PSPC1: variants seen among roughly 807,000 people sequenced by gnomAD.
PSPC1 encodes paraspeckle component 1.
In PSPC1, 14 loss-of-function variants were observed where a neutral mutation model predicts 51.6. The ratio of observed to expected loss-of-function variants is 0.27; its 90% CI spans 0.18 to 0.42. The LOEUF (loss-of-function observed/expected upper bound fraction) is 0.42, where lower values mean the gene tolerates loss of function less well. Ranked by LOEUF, PSPC1 falls within the 10% of genes least tolerant of loss-of-function variation. The pLI is 1.00. For missense variants in PSPC1, 406 were observed against 701.1 expected (o/e 0.58, Z 4.75); for synonymous variants, 193 against 231.9 (o/e 0.83, Z 1.53).
At chr13:19,774,951 G>A (rs891161471) in intron 1 of PSPC1, among the ~76,000 whole-genome samples, 2 of 152,004 alleles carry the variant, frequency 1.3e-5, no homozygotes, top group Non-Finnish European at 1.5e-5. Context: ...AAAACAGGAA[G>A]AATCCTTGAG....
At position 19,772,273 on chromosome 13, in the gene PSPC1, T is replaced by C; in HGVS notation, c.643A>G (p.Arg215Gly). The change falls in exon 2 of 9, where the codon AGA (arginine) becomes GGA (glycine). Residue 215 changes from arginine to glycine, a missense_variant. By Grantham distance (125) the Arg-to-Gly change is moderately radical. Around this residue, in one of 5 missense-constraint regions of PSPC1, gnomAD observed 180 missense variants for 337.9 expected, o/e 0.53. Transcript: ENST00000338910. The part of the protein sequence containing the change: ...AKPPARKALE[R>G]CGDGAFLLTT... ...AGCAAGAATGCCCCATCACCACATCTTTCCAGAGCCTTTCGTGCAGGAGGT... is the reference window on the plus strand; with the variant it reads ...AGCAAGAATGCCCCATCACCACATCCTTCCAGAGCCTTTCGTGCAGGAGGT... The C allele has an allele frequency of 6.2e-7, 1 of 1,614,106 alleles. No homozygotes were observed. Among genetic ancestry groups the C allele is most frequent in the Non-Finnish European group, 8.5e-7 (1 of 1,179,976 alleles).
At chr13:19,688,794 G>T (rs1489247793) in intron 6 of PSPC1, among the ~76,000 whole-genome samples, 1 of 151,982 alleles carries the variant, frequency 6.6e-6, no homozygotes, top group Non-Finnish European at 1.5e-5. Flanking sequence ...ATATAACAAT[G>T]ACATAATCTC....
At chr13:19,712,967 C>T (rs900998222) in intron 6 of PSPC1, among the ~76,000 whole-genome samples, 2 of 151,952 alleles carry the variant, frequency 1.3e-5, no homozygotes, top group Admixed American at 6.6e-5. Flanking sequence ...TAGTAAAATG[C>T]AAAAGAGGTA....
intron 6 of PSPC1, among the ~76,000 whole-genome samples, chr13:19,724,323 T>G (rs1205067407): frequency 6.6e-6 from 1 of 152,200 alleles, no homozygotes; most frequent in African/African-American, 2.4e-5. Context: ...AATGGAATTT[T>G]TTTTTTTACC....
chr13:19,749,543 A>C (rs1356927820), intron 4 of PSPC1, among the ~76,000 whole-genome samples: 1 of 151,328 alleles, frequency 6.6e-6, no homozygotes. Flanking sequence ...AAAAAAAAAA[A>C]TCTCTCTTCC....
chr13:19,772,199 A>C lies in PSPC1; in HGVS notation c.674+43T>G, dbSNP rs1012327879. ...AGAATTCCAAAACAGAGAGAAGCCC[A>C]TATGTAACTGGATAGAAGAAGGACA... is the stretch of plus-strand genomic sequence containing the variant. On this transcript the variant is annotated intron_variant, in intron 2 of 8. Coordinates refer to ENST00000338910, the MANE Select transcript of PSPC1 (RefSeq NM_001354909.2). 4.5e-6 allele frequency: 7 copies of C among 1,572,904 alleles called. No individual in the cohort carries two copies. The Admixed American group carries it at 9.1e-5, about 21-fold the overall frequency.
intron 5 of PSPC1, among the ~76,000 whole-genome samples, chr13:19,734,996 A>AC: frequency 1.3e-5 from 1 of 75,034 alleles, no homozygotes; most frequent in East Asian, 9.4e-4. Context: ...AAACAAACAA[A>AC]CAAACAAAAA....
At chr13:19,777,811 T>G (rs1412482419) in intron 1 of PSPC1, among the ~76,000 whole-genome samples, 3 of 151,788 alleles carry the variant, frequency 2.0e-5, no homozygotes, top group Admixed American at 1.3e-4. Flanking sequence ...CCAGGCCTGG[T>G]GGCACACACC....
intron 6 of PSPC1, among the ~76,000 whole-genome samples, chr13:19,715,299 C>T (rs1171835287): frequency 6.6e-6 from 1 of 152,102 alleles, no homozygotes; most frequent in East Asian, 1.9e-4. Context: ...AAATATAGAA[C>T]AGGAAGCTTG....
At chr13:19,737,970 A>G (rs1474877101) in intron 5 of PSPC1, among the ~76,000 whole-genome samples, 1 of 152,134 alleles carries the variant, frequency 6.6e-6, no homozygotes, top group Non-Finnish European at 1.5e-5. Context: ...GTAAACACCT[A>G]TAGTCCCAGC....
chr13:19,758,298 G>A (rs1230909878), intron 3 of PSPC1, among the ~76,000 whole-genome samples: 1 of 150,716 alleles, frequency 6.6e-6, no homozygotes, highest in Non-Finnish European at 1.5e-5. Context: ...GGGCAACAGA[G>A]TGAGACTCCG....
At chr13:19,740,578 A>C (rs1241231288) in intron 5 of PSPC1, among the ~76,000 whole-genome samples, 1 of 152,136 alleles carries the variant, frequency 6.6e-6, no homozygotes, top group East Asian at 1.9e-4. Flanking sequence ...AGCAAATACT[A>C]TTTTCAAAAA....
intron 6 of PSPC1, among the ~76,000 whole-genome samples, chr13:19,712,529 C>T (rs1043449487): frequency 4.6e-5 from 7 of 152,150 alleles, no homozygotes; most frequent in East Asian, 3.9e-4. Flanking sequence ...GAAAATTTCA[C>T]GGGAAATGTA....
Position 19,710,156 on chromosome 13 carries a change from T to C in PSPC1, c.1159-557A>G, listed in dbSNP as rs995276795. ...CAAGCATTATTCCATCCAGGGACTA[T>C]AGATAGCCCACACAAGCAATTACTG... is the stretch of plus-strand genomic sequence containing the variant. On this transcript the variant is annotated intron_variant, in intron 6 of 8. Coordinates refer to ENST00000338910, the MANE Select transcript of PSPC1 (RefSeq NM_001354909.2). Among the ~76,000 whole-genome samples, 20 of 152,156 alleles carry C rather than the reference T, an allele frequency of 1.3e-4. No homozygotes were observed. The South Asian group carries it at 2.1e-3, about 16-fold the overall frequency.
intron 3 of PSPC1, among the ~76,000 whole-genome samples, chr13:19,753,633 A>G (rs1886786111): frequency 6.6e-6 from 1 of 152,164 alleles, no homozygotes; most frequent in Non-Finnish European, 1.5e-5. Context: ...CATGAATAAA[A>G]GCATAGATAC....
intron 2 of PSPC1, among the ~76,000 whole-genome samples, chr13:19,760,018 A>T (rs1350958491): frequency 6.6e-6 from 1 of 152,176 alleles, no homozygotes; most frequent in East Asian, 1.9e-4. Flanking sequence ...ATTTGTACCT[A>T]ACCCATGTTT....
At position 19,703,081 on chromosome 13, in the gene PSPC1, T is replaced by G; in HGVS notation, c.*94A>C. ...AAAAAACTTTTAAGTCTACATACAT[T>G]AACAATAAAACCATTTCTTCCAGAT... On this transcript the variant is annotated 3_prime_UTR_variant, in exon 9 of 9. Coordinates refer to ENST00000338910, the MANE Select transcript of PSPC1 (RefSeq NM_001354909.2). 1.0e-6 allele frequency: 1 copy of G among 992,078 alleles called. No individual in the cohort carries two copies. The highest frequency in any genetic ancestry group is 1.5e-6 in the Non-Finnish European group (1 of 674,226). The allele number at this position is 992,078 out of a possible 1,614,324, so 61.5% of individuals were successfully genotyped here.
chr13:19,781,720 C>T (rs1384381317), intron 1 of PSPC1, among the ~76,000 whole-genome samples: 2 of 152,122 alleles, frequency 1.3e-5, no homozygotes, highest in African/African-American at 2.4e-5. Flanking sequence ...GCAGGAGGAT[C>T]GCTCGTGCTC....
At chr13:19,741,302 C>T (rs374382920) in intron 5 of PSPC1, among the ~76,000 whole-genome samples, 246 of 152,306 alleles carry the variant, frequency 1.6e-3, no homozygotes, top group Non-Finnish European at 2.9e-3. Flanking sequence ...TGGATATTCA[C>T]AGCATATTCT....
Sources: allele counts gnomAD v4.1 joint callset (sites outside exome capture counted in the v4.1 genomes callset), GRCh38; gene constraint gnomAD v4.1.1; regional missense constraint gnomAD v4.1.1; transcripts MANE v1.5; gene names NCBI Gene and HGNC (gene_info 2026-07-23, HGNC 2026-07-21).